The following KIF6 variants were observed in gnomAD, a reference collection of about 807,000 sequenced individuals.
The protein encoded by KIF6 is kinesin family member 6.
A neutral mutation model predicts 112.7 loss-of-function variants in KIF6; 106 were observed. The ratio of observed to expected loss-of-function variants is 0.94; its 90% CI spans 0.80 to 1.11. The LOEUF (loss-of-function observed/expected upper bound fraction) is 1.11. Among genes scored for constraint, KIF6 ranks in the 50% least tolerant of loss-of-function variants. The pLI, the probability that KIF6 is intolerant of heterozygous loss-of-function variation, is 0.00. For missense variants in KIF6, 929 were observed against 964.0 expected (o/e 0.96, Z 0.48); for synonymous variants, 339 against 339.9 (o/e 1.00, Z 0.03).
At chr6:39,585,114 G>T in intron 8 of KIF6, 130 bp from the exon 9 acceptor site, 2 of 576,226 alleles carry the variant, frequency 3.5e-6, no homozygotes, top group East Asian at 2.7e-5. Flanking sequence ...CTCACAGTGA[G>T]GAACTATGCC....
intron 3 of KIF6, among the ~76,000 whole-genome samples, chr6:39,647,335 C>T (rs1785219334): frequency 6.6e-6 from 1 of 152,048 alleles, no homozygotes; most frequent in Non-Finnish European, 1.5e-5. Context: ...TTCTTAGTCC[C>T]TCTTATGGTA....
At chr6:39,535,493 T>A (rs1031957503) in intron 13 of KIF6, among the ~76,000 whole-genome samples, 37 of 152,182 alleles carry the variant, frequency 2.4e-4, no homozygotes, top group African/African-American at 6.7e-4. Context: ...TAAAGGGATC[T>A]ATTCAACAAG....
At chr6:39,415,592 G>A (rs1225887162) in intron 15 of KIF6, among the ~76,000 whole-genome samples, 4 of 152,166 alleles carry the variant, frequency 2.6e-5, no homozygotes, top group African/African-American at 7.2e-5. Flanking sequence ...TACTTGATCC[G>A]GGTCATCATA....
rs142062955 is a variant in KIF6, at chr6:39,609,606, A to T, written c.639+3583T>A. ...AAACAAACAGAAGACATGAACAAAA[A>T]CAGAAATGCAAATGGCCAACGAAGA... On this transcript the variant is annotated intron_variant, in intron 6 of 22. Coordinates refer to ENST00000287152, the MANE Select transcript of KIF6 (RefSeq NM_145027.6). Among the ~76,000 whole-genome samples the T allele has an allele frequency of 8.1e-3, 1,235 of 152,294 alleles. 18 individuals carry two copies. Among genetic ancestry groups the T allele is most frequent in the African/African-American group, 0.028 (1,182 of 41,554 alleles).
chr6:39,621,861 G>A (rs1283372078), intron 5 of KIF6, among the ~76,000 whole-genome samples: 2 of 151,982 alleles, frequency 1.3e-5, no homozygotes, highest in Non-Finnish European at 1.5e-5. Context: ...TCTTTGAATG[G>A]TTAATGAAAT....
intron 7 of KIF6, among the ~76,000 whole-genome samples, chr6:39,588,947 C>T (rs78569141): frequency 0.093 from 14,101 of 152,198 alleles, 687 homozygotes; most frequent in Middle Eastern, 0.14. Context: ...CTGTTCTCCA[C>T]ACAGCAGCCA....
Position 39,613,318 on chromosome 6 carries a change from C to G in KIF6, c.510G>C (p.Pro170=), listed in dbSNP as rs748485564. ...CAGGATCCTCCAGTATTGTCACTTT[C>G]CTAAGCAAATGGGAAGCAAGAAAAC... is the stretch of plus-strand genomic sequence containing the variant. ...RHEASSLEDL[P]KVTILEDPDQ... Residue 170 remains proline, a splice_region_variant and synonymous_variant, in exon 6 of 23, where the codon CCG becomes CCC. Transcript: ENST00000287152. The G allele has an allele frequency of 1.1e-5, 18 of 1,573,402 alleles. No homozygotes were observed. Among genetic ancestry groups the G allele is most frequent in the Admixed American group, 1.9e-5 (1 of 51,462 alleles).
chr6:39,713,294 T>C (rs139791000), intron 3 of KIF6, among the ~76,000 whole-genome samples: 3 of 152,306 alleles, frequency 2.0e-5, no homozygotes, highest in African/African-American at 7.2e-5. Context: ...ACATATCACA[T>C]AGCATGAGGA....
chr6:39,551,631 C>A (rs74937520), intron 10 of KIF6, among the ~76,000 whole-genome samples: 1 of 151,430 alleles, frequency 6.6e-6, no homozygotes, highest in Non-Finnish European at 1.5e-5. Context: ...TAATATATAT[C>A]CATAATATTA....
chr6:39,532,307 T>G (rs753518719), intron 13 of KIF6, among the ~76,000 whole-genome samples: 1 of 152,182 alleles, frequency 6.6e-6, no homozygotes, highest in African/African-American at 2.4e-5. Context: ...TAGTACCTGA[T>G]GTATATAAGG....
chr6:39,565,344 A>G (rs1780226096), intron 10 of KIF6, among the ~76,000 whole-genome samples: 1 of 149,476 alleles, frequency 6.7e-6, no homozygotes, highest in African/African-American at 2.4e-5. Context: ...CTAGGCAGGC[A>G]CCAGGCTTTA....
At chr6:39,673,912 G>A (rs1786984021) in intron 3 of KIF6, among the ~76,000 whole-genome samples, 1 of 152,174 alleles carries the variant, frequency 6.6e-6, no homozygotes, top group Admixed American at 6.5e-5. Flanking sequence ...AAAATGAGAT[G>A]AAGTCTTAGA....
Position 39,385,690 on chromosome 6 carries a change from G to A in KIF6, c.1811-18C>T. The A allele has an allele frequency of 1.9e-6, 3 of 1,556,956 alleles. No individual in the cohort carries two copies. The highest frequency in any genetic ancestry group is 1.7e-4 in the Middle Eastern group (1 of 5,740). ...CAGGTGACCTGCCAAAGACACAAAAGAAAACTACCAGTGGGTTTCCAATGG... is the reference window on the plus strand; with the variant it reads ...CAGGTGACCTGCCAAAGACACAAAAAAAAACTACCAGTGGGTTTCCAATGG... On this transcript the variant is annotated intron_variant, in intron 15 of 22. Coordinates refer to ENST00000287152, the MANE Select transcript of KIF6 (RefSeq NM_145027.6).
chr6:39,639,651 T>C lies in KIF6; in HGVS notation c.358A>G (p.Ile120Val), dbSNP rs767712844. Residue 120 changes from isoleucine to valine, a missense_variant, in exon 4 of 23, where the codon ATC becomes GTC. Physicochemically the swap from Ile to Val is conservative, Grantham distance 29 (BLOSUM62 3). This residue lies in a region of KIF6 where 688 missense variants were observed against 662.7 expected (regional missense o/e 1.04). Transcript: ENST00000287152. ...AAAATGTATGACAGTGTCCTTGGGATAATGCCTCTGTCACTGTAACGCTCT... is the reference window on the plus strand; with the variant it reads ...AAAATGTATGACAGTGTCCTTGGGACAATGCCTCTGTCACTGTAACGCTCT... ...GAERYSDRGI[I>V]PRTLSYIFEQ... 1 of 1,607,808 alleles carries C rather than the reference T, an allele frequency of 6.2e-7. No individual in the cohort carries two copies. The highest frequency in any genetic ancestry group is 8.5e-7 in the Non-Finnish European group (1 of 1,177,582).
intron 13 of KIF6, among the ~76,000 whole-genome samples, chr6:39,478,881 G>T (rs1005710584): frequency 6.6e-6 from 1 of 151,946 alleles, no homozygotes; most frequent in Non-Finnish European, 1.5e-5. Flanking sequence ...TCATATGTGT[G>T]TTGGCCATTT....
Position 39,720,708 on chromosome 6 carries a change from T to G in KIF6, c.170A>C (p.Lys57Thr). Residue 57 changes from lysine (K) to threonine (T), a missense_variant, in exon 2 of 23, where the codon AAA becomes ACA. Around this residue, in one of 2 missense-constraint regions of KIF6, gnomAD observed 688 missense variants for 662.7 expected, o/e 1.04. Coordinates refer to ENST00000287152, the MANE Select transcript of KIF6 (RefSeq NM_145027.6). Reference sequence around the variant, plus strand: ...AGGAGAAAGAAAAACTTACTTAAATTTGTAGCTTTCTCGCTTATTATTCAC... The same window carrying G: ...AGGAGAAAGAAAAACTTACTTAAATGTGTAGCTTTCTCGCTTATTATTCAC... ...GFVNNKRESY[K>T]FKFQRIFDQD... The G allele has an allele frequency of 6.5e-7, 1 of 1,547,924 alleles. No homozygotes were observed. Among genetic ancestry groups the G allele is most frequent in the East Asian group, 2.2e-5 (1 of 44,530 alleles).
intron 19 of KIF6, among the ~76,000 whole-genome samples, chr6:39,356,324 G>A (rs1764686274): frequency 6.6e-6 from 1 of 151,592 alleles, no homozygotes; most frequent in African/African-American, 2.4e-5. Flanking sequence ...GGAGTGCAGT[G>A]GCACGATCTC....
intron 5 of KIF6, among the ~76,000 whole-genome samples, chr6:39,613,655 G>A (rs1783344348): frequency 6.6e-6 from 1 of 152,082 alleles, no homozygotes; most frequent in African/African-American, 2.4e-5. Flanking sequence ...CAGGAAACTA[G>A]GCCATATTTT....
chr6:39,630,363 G>A lies in KIF6; in HGVS notation c.509+4486C>T, dbSNP rs568129215. ...TATTTAGACATTCTTTGATTTATTT[G>A]ATCAGCTTTGCAGTTTTCCTCATAT... is the stretch of plus-strand genomic sequence containing the variant. On this transcript the variant is annotated intron_variant, in intron 5 of 22. Transcript: ENST00000287152. Among the ~76,000 whole-genome samples the A allele has an allele frequency of 2.0e-5, 3 of 152,056 alleles. No individual in the cohort carries two copies. In the South Asian group the frequency reaches 6.2e-4, roughly 32 times the overall value.
Sources: allele counts gnomAD v4.1 joint callset (sites outside exome capture counted in the v4.1 genomes callset), GRCh38; gene constraint gnomAD v4.1.1; regional missense constraint gnomAD v4.1.1; transcripts MANE v1.5; gene names NCBI Gene and HGNC (gene_info 2026-07-23, HGNC 2026-07-21).